CPAP: variants seen among roughly 807,000 people sequenced by gnomAD.
CPAP encodes the protein centrosomal P4.1-associated protein.
the CPAP span, among the ~76,000 whole-genome samples, chr13:24,897,567 A>G: frequency 6.6e-6 from 1 of 152,244 alleles, no homozygotes; most frequent in South Asian, 2.1e-4. Context: ...ACAGAAATAC[A>G]TAGTGCTTAG....
At chr13:24,906,131 C>T in the CPAP span, 61 of 1,612,936 alleles carry the variant, frequency 3.8e-5, no homozygotes, top group Non-Finnish European at 4.7e-5. Flanking sequence ...ATCCTCACTG[C>T]GGTTACAATG....
chr13:24,924,432 C>T, the CPAP span, among the ~76,000 whole-genome samples: 1 of 152,202 alleles, frequency 6.6e-6, no homozygotes, highest in Non-Finnish European at 1.5e-5. Flanking sequence ...TCTTTTACCA[C>T]ACTCAAGTCT....
the CPAP span, among the ~76,000 whole-genome samples, chr13:24,929,276 GTTCT>G: frequency 1.3e-5 from 2 of 152,268 alleles, no homozygotes; most frequent in South Asian, 4.1e-4. Flanking sequence ...TGCCTAGGCT[GTTCT>G]TGAACTCCTG....
chr13:24,922,828 G>A, the CPAP span: 1 of 152,560 alleles, frequency 6.6e-6, no homozygotes, highest in Non-Finnish European at 1.5e-5. Flanking sequence ...ATTTACAAAT[G>A]GGCCGCCACA....
At chr13:24,906,566 A>G in the CPAP span, 1 of 1,614,194 alleles carries the variant, frequency 6.2e-7, no homozygotes, top group Non-Finnish European at 8.5e-7. Context: ...TTTGTTTTCA[A>G]ATTTGATCTG....
chr13:24,914,615 G>C, the CPAP span, among the ~76,000 whole-genome samples: 3,683 of 152,070 alleles, frequency 0.024, 133 homozygotes, highest in African/African-American at 0.084. Flanking sequence ...TTATTCTTTT[G>C]CTCCTTCCAG....
the CPAP span, among the ~76,000 whole-genome samples, chr13:24,898,540 A>T: frequency 3.3e-5 from 5 of 152,226 alleles, no homozygotes; most frequent in Non-Finnish European, 5.9e-5. Context: ...TTGAAATAAA[A>T]GTTTTAATAT....
At chr13:24,907,262 T>C in the CPAP span, 3 of 1,306,828 alleles carry the variant, frequency 2.3e-6, no homozygotes, top group South Asian at 2.4e-5. Context: ...TTAGTGTGCC[T>C]GGTATAGAAA....
At chr13:24,903,845 G>T in the CPAP span, 1 of 1,378,342 alleles carries the variant, frequency 7.3e-7, no homozygotes, top group Non-Finnish European at 1.0e-6. Context: ...GATTTAAATT[G>T]TTTCAGACTG....
chr13:24,904,891 C>T, the CPAP span, among the ~76,000 whole-genome samples: 3 of 152,080 alleles, frequency 2.0e-5, no homozygotes, highest in Admixed American at 6.6e-5. Context: ...ACTACACATC[C>T]GTTAAATGGA....
At chr13:24,928,723 C>G in the CPAP span, among the ~76,000 whole-genome samples, 7 of 152,294 alleles carry the variant, frequency 4.6e-5, no homozygotes, top group South Asian at 1.0e-3. Context: ...AGCCACCACA[C>G]CTGGCCAGTA....
chr13:24,889,410 A>G, the CPAP span: 5 of 1,564,622 alleles, frequency 3.2e-6, no homozygotes, highest in Non-Finnish European at 4.4e-6. Flanking sequence ...TCTATAGTAT[A>G]AGAGATAATT....
the CPAP span, among the ~76,000 whole-genome samples, chr13:24,915,974 TG>T: frequency 6.6e-6 from 1 of 152,144 alleles, no homozygotes; most frequent in African/African-American, 2.4e-5. Flanking sequence ...GCAAAGGTCA[TG>T]AGAACTTCAA....
chr13:24,906,123 C>A, the CPAP span: 3 of 1,612,932 alleles, frequency 1.9e-6, no homozygotes, highest in Non-Finnish European at 2.5e-6. Flanking sequence ...TGGTCCAAAT[C>A]CTCACTGCGG....
chr13:24,904,990 T>C, the CPAP span, among the ~76,000 whole-genome samples: 1 of 152,154 alleles, frequency 6.6e-6, no homozygotes, highest in African/African-American at 2.4e-5. Context: ...GTCTTTTCAT[T>C]TGTATAGAAA....
chr13:24,920,743 C>T, the CPAP span, among the ~76,000 whole-genome samples: 40 of 151,182 alleles, frequency 2.6e-4, no homozygotes, highest in African/African-American at 9.7e-4. Context: ...ACCTCAGCCT[C>T]CAGAGTAGCT....
At chr13:24,929,838 A>C in the CPAP span, among the ~76,000 whole-genome samples, 2 of 144,570 alleles carry the variant, frequency 1.4e-5, no homozygotes. Context: ...AATAATTTCA[A>C]TTGTTTTCAA....
the CPAP span, among the ~76,000 whole-genome samples, chr13:24,923,956 G>A: frequency 1.1e-4 from 17 of 152,240 alleles, no homozygotes; most frequent in African/African-American, 4.1e-4. Context: ...AGCCTCCCGA[G>A]TAGCTGGGAT....
the CPAP span, among the ~76,000 whole-genome samples, chr13:24,923,589 C>T: frequency 9.9e-5 from 15 of 152,218 alleles, no homozygotes; most frequent in Admixed American, 9.2e-4. Flanking sequence ...CGTGAGTTAC[C>T]ACAGTACTAC....
Sources: gnomAD v4.1 joint callset for allele counts (sites outside exome capture counted in the v4.1 genomes callset) on GRCh38, gnomAD v4.1.1 for gene constraint, MANE v1.5 for transcripts, NCBI Gene and HGNC (gene_info 2026-07-23, HGNC 2026-07-21) for gene names.